The following RNF214 variants were observed in gnomAD, a reference collection of about 807,000 sequenced individuals.
RNF214 encodes the protein ring finger protein 214.
Under a neutral mutation model 75.9 loss-of-function variants are expected in RNF214, and 25 were observed. That is an observed-to-expected ratio of 0.33 (90% CI 0.24 to 0.46). The LOEUF (loss-of-function observed/expected upper bound fraction) is 0.46, where lower values mean the gene tolerates loss of function less well. Ranked by LOEUF, RNF214 falls within the 20% of genes least tolerant of loss-of-function variation. RNF214 has a pLI of 1.00. For missense variants in RNF214, 725 were observed against 857.5 expected (o/e 0.85, Z 1.93); for synonymous variants, 314 against 308.8 (o/e 1.02, Z -0.18).
intron 2 of RNF214, 85 bp downstream of exon 2, chr11:117,234,464 C>A: frequency 1.1e-6 from 1 of 931,654 alleles, no homozygotes; most frequent in Non-Finnish European, 1.8e-6. Context: ...TTCTTTTTGG[C>A]TCTGATGGCA....
chr11:117,252,576 A>G (rs1208348586), intron 6 of RNF214, among the ~76,000 whole-genome samples: 2 of 151,884 alleles, frequency 1.3e-5, no homozygotes, highest in African/African-American at 2.4e-5. Context: ...GCTGGAGCGC[A>G]GTGGCGTGAT....
chr11:117,277,732 G>A (rs1027055410), intron 6 of RNF214, among the ~76,000 whole-genome samples: 4 of 152,248 alleles, frequency 2.6e-5, no homozygotes, highest in Admixed American at 6.5e-5. Flanking sequence ...AGCACTTTGG[G>A]AGGCTGAGGT....
intron 12 of RNF214, 95 bp from the exon 13 acceptor site, chr11:117,282,651 T>C: frequency 6.4e-7 from 1 of 1,554,640 alleles, no homozygotes; most frequent in Non-Finnish European, 8.8e-7. Flanking sequence ...CTAGTCTGCT[T>C]TTTTCCTTTC....
chr11:117,262,707 TTGTGTGTG>T (rs57686552), intron 6 of RNF214, among the ~76,000 whole-genome samples: 10 of 147,644 alleles, frequency 6.8e-5, no homozygotes, highest in South Asian at 4.3e-4. Flanking sequence ...TTGAGGAACG[TTGTGTGTG>T]TGTGTGTGTG....
intron 6 of RNF214, among the ~76,000 whole-genome samples, chr11:117,249,220 C>T (rs1177810643): frequency 2.0e-5 from 3 of 152,154 alleles, no homozygotes; most frequent in Non-Finnish European, 2.9e-5. Flanking sequence ...CTACCGTGCC[C>T]AGCCTTTTTT....
chr11:117,253,931 A>G (rs993064459), intron 6 of RNF214, among the ~76,000 whole-genome samples: 11 of 152,068 alleles, frequency 7.2e-5, no homozygotes, highest in Admixed American at 3.3e-4. Context: ...GGAGTTATTC[A>G]TTGGAAGCAT....
At chr11:117,283,686 G>C (rs1265616533) in intron 14 of RNF214, among the ~76,000 whole-genome samples, 1 of 150,598 alleles carries the variant, frequency 6.6e-6, no homozygotes, top group Non-Finnish European at 1.5e-5. Flanking sequence ...TTTGAGATAG[G>C]GTTTCTTTCT....
chr11:117,265,879 T>C (rs1035110721), intron 6 of RNF214, among the ~76,000 whole-genome samples: 2 of 152,252 alleles, frequency 1.3e-5, no homozygotes, highest in Admixed American at 1.3e-4. Context: ...CAATGCTCCC[T>C]GTATTCATTT....
At chr11:117,283,308 C>T in intron 14 of RNF214, 98 bp downstream of exon 14, 1 of 781,762 alleles carries the variant, frequency 1.3e-6, no homozygotes, top group South Asian at 1.6e-5. Context: ...TCCCTGACAG[C>T]TAAAATAACT....
intron 6 of RNF214, among the ~76,000 whole-genome samples, chr11:117,263,181 C>T (rs1431553367): frequency 1.3e-5 from 2 of 151,602 alleles, no homozygotes; most frequent in African/African-American, 4.9e-5. Context: ...GATACACATA[C>T]ATTTATGATT....
At chr11:117,257,243 G>C (rs941804070) in intron 6 of RNF214, among the ~76,000 whole-genome samples, 15 of 152,046 alleles carry the variant, frequency 9.9e-5, no homozygotes, top group South Asian at 2.1e-4. Context: ...GGCAGAGGTG[G>C]GAGGATTGCT....
intron 6 of RNF214, among the ~76,000 whole-genome samples, chr11:117,266,065 C>A (rs2033789557): frequency 6.6e-6 from 1 of 152,154 alleles, no homozygotes; most frequent in Non-Finnish European, 1.5e-5. Flanking sequence ...TAATGCTGAG[C>A]AGTAGTCTAT....
intron 6 of RNF214, among the ~76,000 whole-genome samples, chr11:117,252,767 G>A (rs770749654): frequency 8.6e-5 from 13 of 152,046 alleles, no homozygotes; most frequent in East Asian, 7.7e-4. Context: ...TGTTCCGCCC[G>A]CCTTGGCCTC....
At chr11:117,260,639 T>G (rs1010724674) in intron 6 of RNF214, among the ~76,000 whole-genome samples, 1 of 138,248 alleles carries the variant, frequency 7.2e-6, no homozygotes, top group Non-Finnish European at 1.6e-5. Context: ...TCTCTATTTC[T>G]TTTTTTTTTT....
chr11:117,263,098 C>T (rs1001483149), intron 6 of RNF214, among the ~76,000 whole-genome samples: 7 of 151,942 alleles, frequency 4.6e-5, no homozygotes, highest in Non-Finnish European at 7.4e-5. Context: ...TGAGCCACTA[C>T]GCCCAGCCAC....
rs150999324 is a variant in RNF214, at chr11:117,275,185, T to C, written c.960-4723T>C. Among the ~76,000 whole-genome samples the C allele has an allele frequency of 2.5e-3, 380 of 152,216 alleles. 13 individuals carry two copies. In the South Asian group the frequency reaches 0.049, roughly 20 times the overall value. Reference sequence around the variant, plus strand: ...CTTTGAGTTAACAATGAAATCAAGATAGAAATTAAAATTTTTTAAAAATGA... The same window carrying C: ...CTTTGAGTTAACAATGAAATCAAGACAGAAATTAAAATTTTTTAAAAATGA... On this transcript the variant is annotated intron_variant, in intron 6 of 14. Coordinates refer to ENST00000300650, the MANE Select transcript of RNF214 (RefSeq NM_207343.4).
intron 6 of RNF214, among the ~76,000 whole-genome samples, chr11:117,254,701 GC>G (rs1320939357): frequency 6.6e-6 from 1 of 151,572 alleles, no homozygotes; most frequent in Non-Finnish European, 1.5e-5. Flanking sequence ...TCAGCTCACT[GC>G]AACCTCCGCC....
chr11:117,255,422 C>T (rs1032776044), intron 6 of RNF214, among the ~76,000 whole-genome samples: 6 of 152,202 alleles, frequency 3.9e-5, no homozygotes, highest in Admixed American at 3.9e-4. Flanking sequence ...CCCTTTCCAT[C>T]ACATGCACTT....
intron 4 of RNF214, among the ~76,000 whole-genome samples, chr11:117,243,658 G>T (rs571118408): frequency 6.6e-6 from 1 of 152,242 alleles, no homozygotes; most frequent in East Asian, 1.9e-4. Context: ...TGATTTTCTT[G>T]ATTTACTGAC....
Sources: allele counts gnomAD v4.1 joint callset (sites outside exome capture counted in the v4.1 genomes callset), GRCh38; gene constraint gnomAD v4.1.1; transcripts MANE v1.5; gene names NCBI Gene and HGNC (gene_info 2026-07-23, HGNC 2026-07-21).